PCLO: variants seen among roughly 807,000 people sequenced by gnomAD.
PCLO encodes the protein piccolo presynaptic cytomatrix protein.
In PCLO, 82 loss-of-function variants were observed where a neutral mutation model predicts 427.5. The observed-to-expected ratio is 0.19, with a 90% CI of 0.16 to 0.23. The LOEUF (loss-of-function observed/expected upper bound fraction) is 0.23, where lower values mean the gene tolerates loss of function less well. PCLO is among the 10% of genes least tolerant of loss of function. The probability of loss-of-function intolerance (pLI) is 1.00; values close to 1 mark genes in which losing one functional copy is unlikely to be tolerated. For missense variants in PCLO, 6,239 were observed against 6,115.9 expected, an observed-to-expected ratio of 1.02 and a Z score of -0.67; for synonymous variants, 2,357 against 2,155.4, an observed-to-expected ratio of 1.09 and a Z score of -2.59.
chr7:82,905,687 G>C (rs1057341929), intron 8 of PCLO, among the ~76,000 whole-genome samples: 2 of 151,964 alleles, frequency 1.3e-5, no homozygotes, highest in Admixed American at 6.6e-5. Flanking sequence ...GGGATGAGTG[G>C]AGGAAAAGTG....
Position 82,955,062 on chromosome 7 carries a change from G to A in PCLO, c.5891C>T (p.Thr1964Met), listed in dbSNP as rs148432464. 215 of 1,613,530 alleles carry A rather than the reference G, an allele frequency of 1.3e-4. No individual in the cohort carries two copies. In the East Asian group the frequency reaches 3.7e-3, roughly 27 times the overall value. Residue 1964 changes from threonine (T) to methionine (M), a missense_variant, in exon 5 of 25, where the codon ACG (threonine) becomes ATG (methionine). Physicochemically the swap from Thr to Met is moderately conservative, Grantham distance 81. This residue lies in a region of PCLO where 4,677 missense variants were observed against 4,468.4 expected (regional missense o/e 1.05). Coordinates refer to ENST00000333891, the MANE Select transcript of PCLO (RefSeq NM_033026.6). Reference sequence around the variant, plus strand: ...ACTGCCATCTACCGATCCATTGTACGTGTCTTCTACTAAAGATTCATAAAT... The same window carrying A: ...ACTGCCATCTACCGATCCATTGTACATGTCTTCTACTAAAGATTCATAAAT... ...DYIYESLVED[T>M]YNGSVDGSLL...
chr7:83,109,733 C>T (rs1790955030), intron 3 of PCLO, among the ~76,000 whole-genome samples: 1 of 151,956 alleles, frequency 6.6e-6, no homozygotes, highest in Non-Finnish European at 1.5e-5. Context: ...AATATAAATC[C>T]ATCATTCTAA....
At chr7:83,022,159 T>C (rs965058594) in intron 3 of PCLO, among the ~76,000 whole-genome samples, 2 of 152,028 alleles carry the variant, frequency 1.3e-5, no homozygotes, top group African/African-American at 4.8e-5. Flanking sequence ...TGAAGGAGCT[T>C]GTTGGTCTCC....
At chr7:82,828,096 C>G in intron 16 of PCLO, 130 bp from the exon 17 acceptor site, 1 of 630,324 alleles carries the variant, frequency 1.6e-6, no homozygotes. Flanking sequence ...TCTCATCATC[C>G]TCATGTCTTA....
At chr7:83,126,810 T>C (rs891457927) in intron 3 of PCLO, among the ~76,000 whole-genome samples, 1 of 152,110 alleles carries the variant, frequency 6.6e-6, no homozygotes, top group African/African-American at 2.4e-5. Flanking sequence ...ATATGATGTT[T>C]ACCCTCAAAA....
At position 82,956,593 on chromosome 7, in the gene PCLO, T is replaced by C. The variant is rs745707563; in HGVS notation, c.4360A>G (p.Ser1454Gly). Residue 1454 changes from serine (S) to glycine (G), a missense_variant, in exon 5 of 25, where the codon AGT (serine) becomes GGT (glycine). Physicochemically the swap from Ser to Gly is moderately conservative, Grantham distance 56 (BLOSUM62 0). This residue lies in a region of PCLO where 4,677 missense variants were observed against 4,468.4 expected (regional missense o/e 1.05). Coordinates refer to ENST00000333891, the MANE Select transcript of PCLO (RefSeq NM_033026.6). ...EQPKDQEKTQ[S>G]LSETLEITIS... The stretch of plus-strand genomic sequence containing the variant: ...GTAATTTCCAAGGTTTCAGATAAAC[T>C]CTGAGTTTTCTCTTGGTCTTTAGGC... The C allele has an allele frequency of 5.6e-6, 9 of 1,613,504 alleles. No individual in the cohort carries two copies. The highest frequency in any genetic ancestry group is 7.6e-6 in the Non-Finnish European group (9 of 1,179,722).
At chr7:83,074,851 A>G (rs1437484773) in intron 3 of PCLO, among the ~76,000 whole-genome samples, 1 of 152,190 alleles carries the variant, frequency 6.6e-6, no homozygotes, top group Non-Finnish European at 1.5e-5. Context: ...AAGGAGAAAC[A>G]TACCACTAAT....
At chr7:83,091,406 T>C (rs560183597) in intron 3 of PCLO, among the ~76,000 whole-genome samples, 1 of 152,238 alleles carries the variant, frequency 6.6e-6, no homozygotes, top group South Asian at 2.1e-4. Context: ...GACACTTCTG[T>C]AAGGGCTTAG....
At chr7:83,023,021 C>A (rs544140871) in intron 3 of PCLO, among the ~76,000 whole-genome samples, 157 of 152,086 alleles carry the variant, frequency 1.0e-3, no homozygotes, top group Non-Finnish European at 1.9e-3. Flanking sequence ...AGATAAATAT[C>A]ATCTGTAAAT....
chr7:82,918,827 T>C (rs954285308), intron 6 of PCLO, among the ~76,000 whole-genome samples: 2 of 152,024 alleles, frequency 1.3e-5, no homozygotes, highest in Non-Finnish European at 2.9e-5. Context: ...AAAGATGTAA[T>C]AAAAAGAGGA....
chr7:83,094,312 GA>G (rs935704323), intron 3 of PCLO, among the ~76,000 whole-genome samples: 14 of 148,062 alleles, frequency 9.5e-5, no homozygotes, highest in African/African-American at 3.5e-4. Context: ...GAGTTCAAGC[GA>G]TTCTCCTGCC....
chr7:82,814,491 TATA>T (rs1791636013), intron 20 of PCLO, among the ~76,000 whole-genome samples: 1 of 150,738 alleles, frequency 6.6e-6, no homozygotes, highest in African/African-American at 2.4e-5. Context: ...TAATTTAATT[TATA>T]ATAATTTATA....
At chr7:82,817,732 G>A (rs996982519) in intron 20 of PCLO, among the ~76,000 whole-genome samples, 8 of 152,208 alleles carry the variant, frequency 5.3e-5, no homozygotes, top group African/African-American at 1.9e-4. Flanking sequence ...CCACATCAGG[G>A]AACTCGAAAT....
In PCLO at chr7:83,086,039, G is replaced by T. The variant is rs150831394; in HGVS notation, c.3300+48211C>A. On this transcript the variant is annotated intron_variant, in intron 3 of 24. Coordinates refer to ENST00000333891, the MANE Select transcript of PCLO (RefSeq NM_033026.6). The stretch of plus-strand genomic sequence containing the variant: ...AACAACATGGTTTCAACTAATGATG[G>T]GATAACAGGTGTCAAGGCGCACTGA... 6.0e-3 allele frequency among the ~76,000 whole-genome samples: 908 copies of T among 152,154 alleles called. 6 individuals are homozygous for T. The highest frequency in any genetic ancestry group is 0.021 in the African/African-American group (858 of 41,518).
intron 18 of PCLO, 109 bp downstream of exon 18, chr7:82,826,480 T>G: frequency 1.6e-6 from 1 of 627,660 alleles, no homozygotes; most frequent in South Asian, 2.6e-5. Context: ...TGCCAGAAGA[T>G]TTTTTTCAGA....
At chr7:82,826,690 A>T (rs1263100972) in intron 17 of PCLO, 30 bp from the exon 18 acceptor site, 1 of 1,398,374 alleles carries the variant, frequency 7.2e-7, no homozygotes, top group Non-Finnish European at 9.9e-7. Flanking sequence ...ATCTAATTAA[A>T]CCTATCTTTC....
intron 3 of PCLO, among the ~76,000 whole-genome samples, chr7:82,969,545 G>T (rs1158583979): frequency 3.3e-5 from 5 of 151,990 alleles, no homozygotes; most frequent in Admixed American, 3.3e-4. Flanking sequence ...AATTTTCATT[G>T]TGAATGAAAG....
rs1795363252 is a variant in PCLO at position 82,952,023 on chromosome 7, T to A, written c.8930A>T (p.Asp2977Val). 6.2e-7 allele frequency: 1 copy of A among 1,613,846 alleles called. No homozygotes were observed. Among genetic ancestry groups the A allele is most frequent in the South Asian group, 1.1e-5 (1 of 91,096 alleles). Residue 2977 changes from aspartate to valine, a missense_variant, in exon 5 of 25, where the codon GAT becomes GTT. Asp to Val is a radical substitution (Grantham distance 152). Coordinates refer to ENST00000333891, the MANE Select transcript of PCLO (RefSeq NM_033026.6). ...TCTATAACCATATGGCCCTGATCGA[T>A]CATACTGATAGTGGTCATCCCTATA... The part of the protein sequence containing the change: ...FGYRDDHYQY[D>V]RSGPYGYRGI...
intron 3 of PCLO, among the ~76,000 whole-genome samples, chr7:83,008,903 T>C (rs771464882): frequency 2.0e-5 from 3 of 151,378 alleles, no homozygotes; most frequent in South Asian, 4.1e-4. Context: ...CAAAGTGCCA[T>C]AGAAATCTAA....
Sources: gnomAD v4.1 joint callset for allele counts (sites outside exome capture counted in the v4.1 genomes callset) on GRCh38, gnomAD v4.1.1 for gene constraint, gnomAD v4.1.1 regional missense constraint, MANE v1.5 for transcripts, NCBI Gene and HGNC (gene_info 2026-07-23, HGNC 2026-07-21) for gene names.